MMP26: variants seen among roughly 807,000 people sequenced by gnomAD.
MMP26 encodes the protein matrix metalloproteinase-26.
A neutral mutation model predicts 31.0 loss-of-function variants in MMP26; 33 were observed. The ratio of observed to expected loss-of-function variants is 1.06; its 90% confidence interval spans 0.81 to 1.42. The LOEUF is 1.42. Among genes scored for constraint, MMP26 ranks in the 40% most tolerant of loss-of-function variants. MMP26 has a pLI of 0.00. For missense variants in MMP26, 347 were observed against 316.1 expected (o/e 1.10, Z -0.74); for synonymous variants, 122 against 114.9 (o/e 1.06, Z -0.40).
intron 2 of MMP26, among the ~76,000 whole-genome samples, chr11:4,939,776 A>G (rs1367548982): frequency 6.6e-6 from 1 of 152,134 alleles, no homozygotes; most frequent in Non-Finnish European, 1.5e-5. Context: ...TTCCTTGGAT[A>G]TCTATAGCCT....
intron 1 of MMP26, among the ~76,000 whole-genome samples, chr11:4,727,673 G>A (rs1002651518): frequency 3.9e-5 from 6 of 152,288 alleles, no homozygotes; most frequent in Admixed American, 2.6e-4. Context: ...AGTCAGGCAT[G>A]GTGGCGGGCG....
intron 2 of MMP26, among the ~76,000 whole-genome samples, chr11:4,928,018 C>G (rs1465666754): frequency 1.3e-5 from 2 of 151,342 alleles, no homozygotes; most frequent in African/African-American, 2.4e-5. Flanking sequence ...CCTAGCCAGG[C>G]CTGAAGACCA....
chr11:4,908,271 A>C (rs755468464), intron 2 of MMP26: 1 of 1,614,138 alleles, frequency 6.2e-7, no homozygotes, highest in Non-Finnish European at 8.5e-7. Context: ...ATCTGGGAGA[A>C]GATCTTGGGG....
chr11:4,989,908 A>G (rs1846971403), intron 4 of MMP26, 40 bp downstream of exon 4: 3 of 1,535,130 alleles, frequency 2.0e-6, no homozygotes, highest in Admixed American at 1.7e-5. Context: ...GTGTGGGGTG[A>G]TGACCTCAAA....
In MMP26 at chr11:4,783,433, C is replaced by T. The variant is rs554985565; in HGVS notation, c.-145+16092C>T. The stretch of plus-strand genomic sequence containing the variant: ...GGCTGTATTTACCCAATGCCTGTAC[C>T]CCCATTGTACCTAGCAAGAAACTAA... On this transcript the variant is annotated intron_variant, in intron 2 of 7. Coordinates refer to ENST00000380390, the MANE Select transcript of MMP26 (RefSeq NM_021801.5). Among the ~76,000 whole-genome samples, 234 of 152,270 alleles carry T rather than the reference C, an allele frequency of 1.5e-3. 1 individual carries two copies. Among genetic ancestry groups the T allele is most frequent in the Non-Finnish European group, 2.1e-3 (145 of 68,018 alleles).
intron 2 of MMP26, among the ~76,000 whole-genome samples, chr11:4,838,996 G>A (rs1849759046): frequency 6.6e-6 from 1 of 152,142 alleles, no homozygotes; most frequent in African/African-American, 2.4e-5. Flanking sequence ...TGCTTGGAGA[G>A]GGGAGAGCAG....
intron 2 of MMP26, among the ~76,000 whole-genome samples, chr11:4,890,987 A>AT (rs1482820584): frequency 7.2e-6 from 1 of 138,282 alleles, no homozygotes; most frequent in African/African-American, 2.9e-5. Flanking sequence ...CAGAATAATA[A>AT]TAATAATAAT....
intron 4 of MMP26, 52 bp from the exon 5 acceptor site, chr11:4,990,546 A>G: frequency 6.6e-7 from 1 of 1,510,978 alleles, no homozygotes; most frequent in Non-Finnish European, 9.0e-7. Context: ...GTTTAGAGCT[A>G]GGATAATTCC....
At chr11:4,848,367 G>T in intron 2 of MMP26, 1 of 1,614,162 alleles carries the variant, frequency 6.2e-7, no homozygotes, top group Non-Finnish European at 8.5e-7. Flanking sequence ...GGATAGAAGA[G>T]TATGGGTATG....
At chr11:4,853,231 G>GCA (rs777813968) in intron 2 of MMP26, among the ~76,000 whole-genome samples, 3 of 151,968 alleles carry the variant, frequency 2.0e-5, no homozygotes, top group East Asian at 1.9e-4. Flanking sequence ...ATACAAACAT[G>GCA]CACACACACA....
rs1186580280 is a variant in MMP26 at position 4,890,998 on chromosome 11, A to AATAATG, written c.-144-97065_-144-97064insGATAAT. 2.0e-3 allele frequency among the ~76,000 whole-genome samples: 293 copies of AATAATG among 146,516 alleles called. 5 individuals carry two copies. The highest frequency in any genetic ancestry group is 0.015 in the Admixed American group (225 of 14,650). ...AACTCAGAATAATAATAATAATAAT[A>AATAATG]ATAATAATAATAATAATAATAATAA... On this transcript the variant is annotated intron_variant, in intron 2 of 7. Coordinates refer to ENST00000380390, the MANE Select transcript of MMP26 (RefSeq NM_021801.5).
At chr11:4,978,335 T>A (rs1403087733) in intron 2 of MMP26, among the ~76,000 whole-genome samples, 2 of 152,140 alleles carry the variant, frequency 1.3e-5, no homozygotes, top group Non-Finnish European at 2.9e-5. Context: ...ACAGTAAGCA[T>A]ATTCTTACTT....
intron 2 of MMP26, chr11:4,882,140 C>G: frequency 6.2e-7 from 1 of 1,613,942 alleles, no homozygotes; most frequent in Non-Finnish European, 8.5e-7. Context: ...TACGACCCTT[C>G]CCACTGTGCT....
intron 2 of MMP26, among the ~76,000 whole-genome samples, chr11:4,941,940 C>T (rs1016617884): frequency 6.6e-6 from 1 of 150,996 alleles, no homozygotes; most frequent in Non-Finnish European, 1.5e-5. Context: ...AAAAAATTAG[C>T]CAGGCGTGGT....
At chr11:4,938,171 T>G (rs1277251259) in intron 2 of MMP26, 1 of 152,088 alleles carries the variant, frequency 6.6e-6, no homozygotes, top group African/African-American at 2.4e-5. Context: ...AAATTACCCA[T>G]CCAAGAAAGA....
intron 2 of MMP26, among the ~76,000 whole-genome samples, chr11:4,858,692 T>C (rs540752950): frequency 6.6e-6 from 1 of 152,196 alleles, no homozygotes; most frequent in Admixed American, 6.5e-5. Flanking sequence ...AAGCTACCAA[T>C]GGCTTTCTTC....
At chr11:4,880,926 G>A (rs1379190517) in intron 2 of MMP26, among the ~76,000 whole-genome samples, 2 of 152,132 alleles carry the variant, frequency 1.3e-5, no homozygotes, top group African/African-American at 4.8e-5. Context: ...AGAAAATAGG[G>A]ATGTTGACCT....
chr11:4,986,942 T>TTTCC (rs72438862), intron 2 of MMP26, among the ~76,000 whole-genome samples: 1 of 120,826 alleles, frequency 8.3e-6, no homozygotes, highest in African/African-American at 2.7e-5. Context: ...CCTCTCTCTC[T>TTTCC]CTCTCTCTCT....
At chr11:4,785,354 A>C (rs1848925949) in intron 2 of MMP26, among the ~76,000 whole-genome samples, 1 of 152,176 alleles carries the variant, frequency 6.6e-6, no homozygotes. Flanking sequence ...CCCCTAATTC[A>C]TATCTAGGTA....
Sources: gnomAD v4.1 joint callset for allele counts (sites outside exome capture counted in the v4.1 genomes callset) on GRCh38, gnomAD v4.1.1 for gene constraint, MANE v1.5 for transcripts, NCBI Gene and HGNC (gene_info 2026-07-23, HGNC 2026-07-21) for gene names.